The following NOTCH2 variants were observed in gnomAD, a reference collection of about 807,000 sequenced individuals.
The protein encoded by NOTCH2 is notch receptor 2, also known as neurogenic locus notch homolog protein 2.
NOTCH2 carries 29 observed loss-of-function variants against 235.8 expected under a neutral mutation model. The observed-to-expected ratio is 0.12, with a 90% CI of 0.09 to 0.17. NOTCH2 has a LOEUF of 0.17. NOTCH2 is among the 10% of genes least tolerant of loss of function. The pLI is 1.00. For missense variants in NOTCH2, 2,285 were observed against 3,150.2 expected (o/e 0.73, Z 6.57); for synonymous variants, 1,086 against 1,141.5 (o/e 0.95, Z 0.98).
At chr1:119,918,365 C>A in intron 32 of NOTCH2, 41 bp downstream of exon 32, 3 of 1,611,114 alleles carry the variant, frequency 1.9e-6, no homozygotes, top group Non-Finnish European at 2.5e-6. Context: ...CAGAGGCATG[C>A]TTTGCAGGTA....
chr1:120,068,657 G>A, intron 1 of NOTCH2: 1 of 296,964 alleles, frequency 3.4e-6, no homozygotes, highest in Non-Finnish European at 6.2e-6. Flanking sequence ...AATAACAGCA[G>A]TTGAGATTTT....
Position 120,069,523 on chromosome 1 carries a change from C to G in NOTCH2, c.-117G>C. The G allele has an allele frequency of 2.1e-6, 3 of 1,434,622 alleles. No homozygotes were observed. The highest frequency in any genetic ancestry group is 2.7e-6 in the Non-Finnish European group (3 of 1,103,464). 88.9% of individuals were successfully genotyped at this position (1,434,622 alleles called of 1,614,324 possible). On this transcript the variant is annotated 5_prime_UTR_variant, in exon 1 of 34. Coordinates refer to ENST00000256646, the MANE Select transcript of NOTCH2 (RefSeq NM_024408.4). ...CTCCCCTCCTCCTGCTTCAAAGGCT[C>G]AGGCCCTGGCGCTACGCTCCGAAGC...
intron 1 of NOTCH2, among the ~76,000 whole-genome samples, chr1:120,054,993 ACTAT>A (rs1269303957): frequency 4.0e-5 from 6 of 151,682 alleles, no homozygotes; most frequent in Non-Finnish European, 8.8e-5. Context: ...ACAAAATTAC[ACTAT>A]CTAAGGGACT....
chr1:119,953,517 G>A (rs587751112), intron 14 of NOTCH2, 26 bp downstream of exon 14: 13 of 1,612,598 alleles, frequency 8.1e-6, no homozygotes, highest in African/African-American at 1.3e-5. Flanking sequence ...AAGAGCAGAC[G>A]CAGAAAGATG....
At chr1:120,006,328 G>A (rs1411924286) in intron 2 of NOTCH2, among the ~76,000 whole-genome samples, 4 of 152,034 alleles carry the variant, frequency 2.6e-5, no homozygotes, top group African/African-American at 9.7e-5. Flanking sequence ...AAATATCTAA[G>A]ATACCATATA....
Position 119,913,178 on chromosome 1 carries a change from A to G in NOTCH2, c.*2128T>C, listed in dbSNP as rs1648946742. On this transcript the variant is annotated 3_prime_UTR_variant, in exon 34 of 34. Transcript: ENST00000256646. Reference sequence around the variant, plus strand: ...ATGATAAAATGTTTGCACACTATGAAAGAGGCTGACAGAATGTTGCCACAT... The same window carrying G: ...ATGATAAAATGTTTGCACACTATGAGAGAGGCTGACAGAATGTTGCCACAT... 1 of 233,350 alleles carries G rather than the reference A, an allele frequency of 4.3e-6. No individual in the cohort carries two copies. Among genetic ancestry groups the G allele is most frequent in the African/African-American group, 2.2e-5 (1 of 45,490 alleles). The allele number at this position is 233,350 out of a possible 1,614,324, so 14.5% of individuals were successfully genotyped here.
intron 2 of NOTCH2, among the ~76,000 whole-genome samples, chr1:120,025,679 C>T (rs186174864): frequency 8.5e-5 from 9 of 106,064 alleles, no homozygotes; most frequent in Admixed American, 2.0e-4. Context: ...TTGATAGAAA[C>T]AGAAACACAT....
intron 19 of NOTCH2, among the ~76,000 whole-genome samples, chr1:119,939,208 A>C (rs1649979476): frequency 6.6e-6 from 1 of 152,186 alleles, no homozygotes; most frequent in Non-Finnish European, 1.5e-5. Context: ...TCCCCCACTC[A>C]ATGTTGTAAC....
Sources: gnomAD v4.1 joint callset for allele counts (sites outside exome capture counted in the v4.1 genomes callset) on GRCh38, gnomAD v4.1.1 for gene constraint, MANE v1.5 for transcripts, NCBI Gene and HGNC (gene_info 2026-07-23, HGNC 2026-07-21) for gene names.